The following FHIT variants were observed in gnomAD, a reference collection of about 807,000 sequenced individuals.
FHIT encodes bis(5'-adenosyl)-triphosphatase.
Under a neutral mutation model 17.9 loss-of-function variants are expected in FHIT, and 19 were observed. The observed-to-expected ratio is 1.06, with a 90% confidence interval of 0.74 to 1.56. The LOEUF (loss-of-function observed/expected upper bound fraction) is 1.56. Ranked by LOEUF, FHIT falls within the 40% of genes most tolerant of loss-of-function variation. The pLI, the probability that FHIT is intolerant of heterozygous loss-of-function variation, is 0.00. For missense variants in FHIT, 248 were observed against 189.2 expected, an observed-to-expected ratio of 1.31 and a Z score of -1.82; for synonymous variants, 81 against 69.7, an observed-to-expected ratio of 1.16 and a Z score of -0.81.
intron 5 of FHIT, among the ~76,000 whole-genome samples, chr3:60,354,396 T>C (rs1197847182): frequency 6.6e-6 from 1 of 152,080 alleles, no homozygotes; most frequent in African/African-American, 2.4e-5. Context: ...AAGGCATACA[T>C]TCCTATACCC....
chr3:60,627,220 G>C (rs2039313321), intron 4 of FHIT, among the ~76,000 whole-genome samples: 2 of 152,150 alleles, frequency 1.3e-5, no homozygotes, highest in South Asian at 4.1e-4. Flanking sequence ...ATTTTTGGAA[G>C]AGTTTCTGAA....
chr3:60,050,745 C>G (rs1044547213), intron 5 of FHIT, among the ~76,000 whole-genome samples: 1 of 152,172 alleles, frequency 6.6e-6, no homozygotes, highest in African/African-American at 2.4e-5. Flanking sequence ...AGTTTATGAG[C>G]TCCTTACGGA....
intron 4 of FHIT, among the ~76,000 whole-genome samples, chr3:60,640,802 TAA>T (rs2039706950): frequency 1.3e-5 from 2 of 152,234 alleles, no homozygotes. Flanking sequence ...TGATTACATT[TAA>T]AGTCCTTATC....
intron 3 of FHIT, among the ~76,000 whole-genome samples, chr3:60,926,389 A>G (rs1227370357): frequency 1.3e-5 from 2 of 152,256 alleles, no homozygotes; most frequent in African/African-American, 4.8e-5. Context: ...ACTAGAACTC[A>G]GGATTAAGAA....
intron 8 of FHIT, among the ~76,000 whole-genome samples, chr3:59,903,676 CG>C (rs1368226504): frequency 1.3e-5 from 2 of 151,956 alleles, no homozygotes; most frequent in Non-Finnish European, 2.9e-5. Flanking sequence ...GAAAAGCCCT[CG>C]AGAAGTTTAA....
chr3:60,942,823 A>G (rs782570648), intron 3 of FHIT, among the ~76,000 whole-genome samples: 4 of 152,148 alleles, frequency 2.6e-5, no homozygotes, highest in Non-Finnish European at 5.9e-5. Context: ...TTTCTAACGT[A>G]TACATTTATG....
chr3:60,127,726 G>A (rs1016383540), intron 5 of FHIT, among the ~76,000 whole-genome samples: 2 of 152,070 alleles, frequency 1.3e-5, no homozygotes, highest in Non-Finnish European at 2.9e-5. Context: ...TCAGCCTCCT[G>A]AGTAGCTAGC....
intron 5 of FHIT, among the ~76,000 whole-genome samples, chr3:60,392,525 C>T (rs1173498310): frequency 6.6e-6 from 1 of 152,162 alleles, no homozygotes; most frequent in African/African-American, 2.4e-5. Context: ...CAGGCAACAT[C>T]GTAGACATCT....
chr3:60,257,576 T>G (rs920938280), intron 5 of FHIT, among the ~76,000 whole-genome samples: 1 of 152,066 alleles, frequency 6.6e-6, no homozygotes, highest in African/African-American at 2.4e-5. Context: ...TTCACAGTAG[T>G]AACATGGCAT....
chr3:61,151,141 A>G lies in FHIT; in HGVS notation c.-164+49476T>C, dbSNP rs534075097. 7.2e-4 allele frequency among the ~76,000 whole-genome samples: 110 copies of G among 152,318 alleles called. 2 individuals carry two copies. The highest frequency in any genetic ancestry group is 5.8e-3 in the South Asian group (28 of 4,830). On this transcript the variant is annotated intron_variant, in intron 2 of 9. Transcript: ENST00000492590. ...CCACACAACTTCTTTATGGCTTCTTATATTACTGCTTCTTTTTCCAATCCA... is the reference window on the plus strand; with the variant it reads ...CCACACAACTTCTTTATGGCTTCTTGTATTACTGCTTCTTTTTCCAATCCA...
At chr3:60,595,110 C>A (rs191924268) in intron 4 of FHIT, among the ~76,000 whole-genome samples, 2 of 152,106 alleles carry the variant, frequency 1.3e-5, no homozygotes, top group Non-Finnish European at 2.9e-5. Flanking sequence ...AAGCAACAGT[C>A]TGGCCTCACC....
At chr3:60,941,594 G>A (rs531469837) in intron 3 of FHIT, among the ~76,000 whole-genome samples, 1 of 150,076 alleles carries the variant, frequency 6.7e-6, no homozygotes, top group Non-Finnish European at 1.5e-5. Context: ...TTTTTCTACT[G>A]ACTATGTTCT....
intron 7 of FHIT, among the ~76,000 whole-genome samples, chr3:59,943,283 A>AT (rs373470496): frequency 5.8e-4 from 87 of 150,334 alleles, no homozygotes; most frequent in African/African-American, 1.9e-3. Flanking sequence ...GACAGAGTCA[A>AT]TTTTTTTTTT....
chr3:60,258,065 T>TACACACACACACACACAC (rs67553597), intron 5 of FHIT, among the ~76,000 whole-genome samples: 2 of 144,596 alleles, frequency 1.4e-5, no homozygotes, highest in South Asian at 2.3e-4. Context: ...GGAAATTAAA[T>TACACACACACACACACAC]ACACACACAC....
chr3:59,883,864 T>C (rs1324154972), intron 8 of FHIT, among the ~76,000 whole-genome samples: 3 of 152,236 alleles, frequency 2.0e-5, no homozygotes, highest in Non-Finnish European at 2.9e-5. Flanking sequence ...ATTGTGTCAA[T>C]AGCTGTTACA....
At chr3:59,900,463 C>T (rs1230218472) in intron 8 of FHIT, among the ~76,000 whole-genome samples, 1 of 152,178 alleles carries the variant, frequency 6.6e-6, no homozygotes, top group African/African-American at 2.4e-5. Context: ...AAATACCTCT[C>T]CTTCCCTTGT....
intron 5 of FHIT, among the ~76,000 whole-genome samples, chr3:60,175,801 G>A (rs1019562207): frequency 6.6e-6 from 1 of 152,012 alleles, no homozygotes; most frequent in Non-Finnish European, 1.5e-5. Context: ...GCTATTAACA[G>A]CATACTTGAT....
At chr3:61,035,599 A>T (rs1004056656) in intron 3 of FHIT, among the ~76,000 whole-genome samples, 2 of 152,204 alleles carry the variant, frequency 1.3e-5, no homozygotes, top group Non-Finnish European at 2.9e-5. Flanking sequence ...TCTGCATCTA[A>T]TTAGCTGGTA....
chr3:60,292,903 A>C (rs1708051543), intron 5 of FHIT, among the ~76,000 whole-genome samples: 1 of 152,166 alleles, frequency 6.6e-6, no homozygotes, highest in African/African-American at 2.4e-5. Flanking sequence ...ACATTCACCA[A>C]ACTAGAAATC....
Sources: allele counts gnomAD v4.1 joint callset (sites outside exome capture counted in the v4.1 genomes callset), GRCh38; gene constraint gnomAD v4.1.1; transcripts MANE v1.5; gene names NCBI Gene and HGNC (gene_info 2026-07-23, HGNC 2026-07-21).